Variants in SCAMP1 observed in about 807,000 individuals in gnomAD.
SCAMP1 encodes secretory carrier membrane protein 1.
A neutral mutation model predicts 41.8 loss-of-function variants in SCAMP1; 15 were observed. The observed-to-expected ratio is 0.36, with a 90% CI of 0.24 to 0.55. The LOEUF (loss-of-function observed/expected upper bound fraction) is 0.55. Ranked by LOEUF, SCAMP1 falls within the 20% of genes least tolerant of loss-of-function variation. The probability of loss-of-function intolerance (pLI) is 0.86; values close to 1 mark genes in which losing one functional copy is unlikely to be tolerated. For synonymous variants in SCAMP1, 135 were observed against 136.8 expected, an observed-to-expected ratio of 0.99 and a Z score of 0.09; for missense variants, 341 against 412.6, an observed-to-expected ratio of 0.83 and a Z score of 1.50.
At chr5:78,405,618 A>G (rs1197094537) in intron 2 of SCAMP1, among the ~76,000 whole-genome samples, 1 of 152,146 alleles carries the variant, frequency 6.6e-6, no homozygotes, top group East Asian at 1.9e-4. Flanking sequence ...TTTGTTCAAT[A>G]TGTGTATTGT....
intron 6 of SCAMP1, among the ~76,000 whole-genome samples, chr5:78,441,878 C>G (rs1752932549): frequency 6.6e-6 from 1 of 152,166 alleles, no homozygotes; most frequent in Admixed American, 6.5e-5. Flanking sequence ...GTGTATAATC[C>G]CAGCATTTTG....
At position 78,477,914 on chromosome 5, in the gene SCAMP1, G is replaced by C. The variant is rs1281695757; in HGVS notation, c.*2246G>C. On this transcript the variant is annotated 3_prime_UTR_variant, in exon 9 of 9. Coordinates refer to ENST00000621999, the MANE Select transcript of SCAMP1 (RefSeq NM_004866.6). ...TCAGCAAAAGATTGGCATTTGTTAA[G>C]TGTTCTATATTTAGTACTAAAATCA... The C allele has an allele frequency of 1.3e-5, 2 of 152,096 alleles. No homozygotes were observed. The highest frequency in any genetic ancestry group is 4.8e-5 in the African/African-American group (2 of 41,440). 9.4% of individuals were successfully genotyped at this position (152,096 alleles called of 1,614,324 possible).
intron 7 of SCAMP1, among the ~76,000 whole-genome samples, chr5:78,458,339 T>C (rs1476721111): frequency 6.6e-6 from 1 of 152,216 alleles, no homozygotes; most frequent in Admixed American, 6.5e-5. Context: ...TTATTACTTT[T>C]TATTTTAGCC....
intron 2 of SCAMP1, among the ~76,000 whole-genome samples, chr5:78,403,006 G>A (rs570621453): frequency 1.6e-4 from 24 of 152,158 alleles, no homozygotes; most frequent in African/African-American, 5.3e-4. Flanking sequence ...GAGTAGCTGC[G>A]ATTACAGGCA....
chr5:78,388,021 C>A (rs561319107), intron 1 of SCAMP1, among the ~76,000 whole-genome samples: 1 of 152,122 alleles, frequency 6.6e-6, no homozygotes, highest in Non-Finnish European at 1.5e-5. Context: ...CCTTTGTCTT[C>A]GGCGTTCCTC....
intron 6 of SCAMP1, among the ~76,000 whole-genome samples, chr5:78,449,353 T>A (rs977213542): frequency 6.6e-6 from 1 of 152,070 alleles, no homozygotes; most frequent in African/African-American, 2.4e-5. Context: ...ACTGGGTGAA[T>A]CTCAGAATAG....
intron 1 of SCAMP1, among the ~76,000 whole-genome samples, chr5:78,365,928 A>C (rs1750783677): frequency 6.6e-6 from 1 of 152,174 alleles, no homozygotes; most frequent in African/African-American, 2.4e-5. Flanking sequence ...CATTTGTCTT[A>C]GTCTGTTTGG....
chr5:78,381,613 G>A (rs969135074), intron 1 of SCAMP1, among the ~76,000 whole-genome samples: 2 of 152,174 alleles, frequency 1.3e-5, no homozygotes. Flanking sequence ...ACACTTTTGG[G>A]TAAATTTTGG....
chr5:78,448,671 G>A (rs755258023), intron 6 of SCAMP1, among the ~76,000 whole-genome samples: 1 of 152,224 alleles, frequency 6.6e-6, no homozygotes, highest in Non-Finnish European at 1.5e-5. Context: ...ATGTGGAGGA[G>A]CTGGAATACT....
At chr5:78,452,667 A>G (rs1248711257) in intron 7 of SCAMP1, among the ~76,000 whole-genome samples, 3 of 151,760 alleles carry the variant, frequency 2.0e-5, no homozygotes, top group Non-Finnish European at 4.4e-5. Flanking sequence ...ATGTGTCTTT[A>G]TAGCAGCATG....
intron 8 of SCAMP1, among the ~76,000 whole-genome samples, chr5:78,462,146 T>C (rs1753632367): frequency 6.6e-6 from 1 of 152,022 alleles, no homozygotes; most frequent in South Asian, 2.1e-4. Flanking sequence ...CAATTCTTCT[T>C]ATGGAGTTCT....
At chr5:78,394,075 A>G (rs1377114964) in intron 2 of SCAMP1, among the ~76,000 whole-genome samples, 1 of 152,142 alleles carries the variant, frequency 6.6e-6, no homozygotes, top group Non-Finnish European at 1.5e-5. Context: ...GATGCCATAT[A>G]TGATTTCTGT....
At chr5:78,373,116 G>A (rs1750981208) in intron 1 of SCAMP1, among the ~76,000 whole-genome samples, 2 of 152,064 alleles carry the variant, frequency 1.3e-5, no homozygotes, top group Admixed American at 6.6e-5. Context: ...TCTGCTAGTG[G>A]AATACAAACC....
chr5:78,389,151 A>G (rs1313660065), intron 2 of SCAMP1, among the ~76,000 whole-genome samples: 1 of 152,218 alleles, frequency 6.6e-6, no homozygotes, highest in Non-Finnish European at 1.5e-5. Flanking sequence ...TACAGATTAA[A>G]TCACAATAAT....
At chr5:78,460,812 C>CTTTCTTTCTTTCTTTTT (rs1211929705) in intron 8 of SCAMP1, among the ~76,000 whole-genome samples, 1 of 25,472 alleles carries the variant, frequency 3.9e-5, no homozygotes, top group South Asian at 2.1e-3. Context: ...TTCCTCCCTT[C>CTTTCTTTCTTTCTTTTT]CTTCCTTCCT....
chr5:78,454,730 A>G (rs1181971924), intron 7 of SCAMP1, among the ~76,000 whole-genome samples: 5 of 152,128 alleles, frequency 3.3e-5, no homozygotes, highest in East Asian at 3.9e-4. Context: ...CTCTTTTTCT[A>G]TTGATTGGAA....
chr5:78,437,354 A>T (rs549918074), intron 6 of SCAMP1, among the ~76,000 whole-genome samples: 1 of 152,350 alleles, frequency 6.6e-6, no homozygotes, highest in East Asian at 1.9e-4. Context: ...TGGGTTTGTC[A>T]TAAATAGCTT....
At chr5:78,405,014 G>C (rs1217781768) in intron 2 of SCAMP1, among the ~76,000 whole-genome samples, 1 of 152,178 alleles carries the variant, frequency 6.6e-6, no homozygotes, top group East Asian at 1.9e-4. Context: ...TCTTGCAGTG[G>C]TTTCTGCTAG....
intron 2 of SCAMP1, among the ~76,000 whole-genome samples, chr5:78,398,061 G>A (rs1232104824): frequency 2.6e-5 from 4 of 152,176 alleles, no homozygotes; most frequent in African/African-American, 2.4e-5. Context: ...TTTGTTAAAC[G>A]TGGAGTTACC....
Sources: gnomAD v4.1 joint callset for allele counts (sites outside exome capture counted in the v4.1 genomes callset) on GRCh38, gnomAD v4.1.1 for gene constraint, MANE v1.5 for transcripts, NCBI Gene and HGNC (gene_info 2026-07-23, HGNC 2026-07-21) for gene names.